The following DLGAP2 variants were observed in gnomAD, a reference collection of about 807,000 sequenced individuals.
DLGAP2 encodes the protein disks large-associated protein 2.
DLGAP2 carries 26 observed loss-of-function variants against 100.3 expected under a neutral mutation model. The ratio of observed to expected loss-of-function variants is 0.26; its 90% confidence interval spans 0.19 to 0.36. The LOEUF (loss-of-function observed/expected upper bound fraction) is 0.36, where lower values mean the gene tolerates loss of function less well. DLGAP2 is among the 10% of genes least tolerant of loss of function. The pLI is 1.00. For synonymous variants in DLGAP2, 886 were observed against 630.1 expected (o/e 1.41, Z -6.08); for missense variants, 1,858 against 1,453.2 (o/e 1.28, Z -4.53).
At chr8:762,061 C>T (rs1454738660) in intron 1 of DLGAP2, among the ~76,000 whole-genome samples, 1 of 152,162 alleles carries the variant, frequency 6.6e-6, no homozygotes, top group African/African-American at 2.4e-5. Context: ...GTATATCTTC[C>T]AGGCAGTCAA....
chr8:1,305,985 T>A (rs551040427), intron 3 of DLGAP2, among the ~76,000 whole-genome samples: 1 of 151,618 alleles, frequency 6.6e-6, no homozygotes, highest in Non-Finnish European at 1.5e-5. Context: ...TAATTTTATA[T>A]CCAGATATTT....
At chr8:1,422,561 TAA>T (rs372845289) in intron 3 of DLGAP2, among the ~76,000 whole-genome samples, 34 of 136,304 alleles carry the variant, frequency 2.5e-4, no homozygotes, top group South Asian at 2.4e-4. Context: ...TCTTTGACAT[TAA>T]AAAAAAAAAA....
intron 3 of DLGAP2, among the ~76,000 whole-genome samples, chr8:1,444,081 C>T (rs1797914403): frequency 6.6e-6 from 1 of 152,134 alleles, no homozygotes; most frequent in African/African-American, 2.4e-5. Context: ...TCTCCCTACA[C>T]CTCCCTCTAC....
At chr8:1,249,378 G>C (rs572013376) in intron 2 of DLGAP2, among the ~76,000 whole-genome samples, 2 of 152,168 alleles carry the variant, frequency 1.3e-5, no homozygotes, top group Non-Finnish European at 2.9e-5. Flanking sequence ...TTCCCATCTA[G>C]TTCCTTATGT....
intron 13 of DLGAP2, among the ~76,000 whole-genome samples, chr8:1,692,620 T>C (rs1799281913): frequency 6.6e-6 from 1 of 152,130 alleles, no homozygotes; most frequent in Non-Finnish European, 1.5e-5. Flanking sequence ...AAATTTCTAT[T>C]ACGTCTAATG....
chr8:747,549 G>A (rs536012962), intron 1 of DLGAP2, among the ~76,000 whole-genome samples: 2 of 137,492 alleles, frequency 1.5e-5, no homozygotes, highest in South Asian at 5.0e-4. Flanking sequence ...AGGACGGGGC[G>A]CAGGGCGGGG....
intron 3 of DLGAP2, among the ~76,000 whole-genome samples, chr8:1,280,290 G>C (rs1039129241): frequency 2.0e-5 from 3 of 152,072 alleles, no homozygotes; most frequent in Admixed American, 6.5e-5. Flanking sequence ...TTTATAGCCG[G>C]GCTGTACTCG....
At chr8:1,006,527 G>A (rs1364311032) in intron 2 of DLGAP2, among the ~76,000 whole-genome samples, 1 of 103,016 alleles carries the variant, frequency 9.7e-6, no homozygotes, top group Non-Finnish European at 2.0e-5. Flanking sequence ...CCTTTATCAT[G>A]TCAGGGACAC....
At chr8:1,350,184 CGCGCGG>C (rs1563098892) in intron 3 of DLGAP2, among the ~76,000 whole-genome samples, 1 of 140,754 alleles carries the variant, frequency 7.1e-6, no homozygotes, top group Admixed American at 6.9e-5. Context: ...GTGGAAAGGC[CGCGCGG>C]GTCCTGAGTG....
Position 1,138,315 on chromosome 8 carries a change from T to C in DLGAP2, c.74-120536T>C, listed in dbSNP as rs574901753. ...GGGAGGCCTGGGTGTCCTGTCTGCA[T>C]GCCGATGAAGACCTCACAGGGGGCT... On this transcript the variant is annotated intron_variant, in intron 2 of 14. Transcript: ENST00000637795. Among the ~76,000 whole-genome samples the C allele has an allele frequency of 2.4e-3, 358 of 152,320 alleles. 8 individuals are homozygous for C. In the South Asian group the frequency reaches 0.034, roughly 14 times the overall value.
At chr8:1,471,654 C>G (rs951226648) in intron 3 of DLGAP2, among the ~76,000 whole-genome samples, 38 of 151,428 alleles carry the variant, frequency 2.5e-4, no homozygotes, top group African/African-American at 9.3e-4. Flanking sequence ...AAACAACCAC[C>G]CCACACACCT....
chr8:1,110,734 A>G (rs1804930085), intron 2 of DLGAP2, among the ~76,000 whole-genome samples: 1 of 87,744 alleles, frequency 1.1e-5, no homozygotes, highest in East Asian at 3.1e-4. Flanking sequence ...TTTTTTTTTG[A>G]GAGACATTGA....
intron 1 of DLGAP2, among the ~76,000 whole-genome samples, chr8:783,653 C>G (rs142739973): frequency 3.5e-4 from 53 of 152,256 alleles, no homozygotes; most frequent in Middle Eastern, 3.4e-3. Flanking sequence ...GTCTGCTAAT[C>G]TGAGAAAGTG....
At chr8:1,260,074 C>T (rs55796844) in intron 3 of DLGAP2, among the ~76,000 whole-genome samples, 25,962 of 151,876 alleles carry the variant, frequency 0.17, 2,374 homozygotes, top group Admixed American at 0.24. Flanking sequence ...GGGGCTGTTC[C>T]CGGGTGGAGC....
At chr8:880,687 G>C (rs1359634483) in intron 1 of DLGAP2, among the ~76,000 whole-genome samples, 1 of 152,010 alleles carries the variant, frequency 6.6e-6, no homozygotes, top group Admixed American at 6.5e-5. Flanking sequence ...TGACCGTCCA[G>C]TGTGTGTCCC....
chr8:799,149 C>A (rs1359453873), intron 1 of DLGAP2, among the ~76,000 whole-genome samples: 1 of 152,200 alleles, frequency 6.6e-6, no homozygotes, highest in South Asian at 2.1e-4. Context: ...CCCTAAGAAT[C>A]CGAGTGTCTT....
At chr8:1,240,921 G>A (rs1369013545) in intron 2 of DLGAP2, among the ~76,000 whole-genome samples, 1 of 7,504 alleles carries the variant, frequency 1.3e-4, no homozygotes, top group African/African-American at 8.3e-4. Flanking sequence ...ACATGGCACT[G>A]TGTCTAGTTC....
At chr8:924,593 T>C (rs1453003672) in intron 2 of DLGAP2, among the ~76,000 whole-genome samples, 1 of 152,038 alleles carries the variant, frequency 6.6e-6, no homozygotes, top group African/African-American at 2.4e-5. Flanking sequence ...TTTTTCTTTC[T>C]TTCTTTTTGA....
At chr8:949,403 G>T (rs1158125567) in intron 2 of DLGAP2, among the ~76,000 whole-genome samples, 1 of 152,156 alleles carries the variant, frequency 6.6e-6, no homozygotes, top group East Asian at 1.9e-4. Context: ...GGCTGGGGCC[G>T]CCCAGGAGTG....
Sources: allele counts gnomAD v4.1 joint callset (sites outside exome capture counted in the v4.1 genomes callset), GRCh38; gene constraint gnomAD v4.1.1; transcripts MANE v1.5; gene names NCBI Gene and HGNC (gene_info 2026-07-23, HGNC 2026-07-21).